The following MTCH2 variants were observed in gnomAD, a reference collection of about 807,000 sequenced individuals.
MTCH2 encodes mitochondrial carrier 2, also known as mitochondrial carrier homolog 2.
A neutral mutation model predicts 50.6 loss-of-function variants in MTCH2; 25 were observed. The observed-to-expected ratio is 0.49, with a 90% CI of 0.36 to 0.69. The LOEUF (loss-of-function observed/expected upper bound fraction) is 0.69. MTCH2 is among the 30% of genes least tolerant of loss of function. The probability of loss-of-function intolerance (pLI) is 0.00; values close to 1 mark genes in which losing one functional copy is unlikely to be tolerated. For synonymous variants in MTCH2, 106 were observed against 132.0 expected, an observed-to-expected ratio of 0.80 and a Z score of 1.35; for missense variants, 273 against 384.4, an observed-to-expected ratio of 0.71 and a Z score of 2.42.
intron 9 of MTCH2, among the ~76,000 whole-genome samples, chr11:47,628,705 G>A (rs769735643): frequency 4.6e-5 from 7 of 152,116 alleles, no homozygotes; most frequent in Non-Finnish European, 1.0e-4. Context: ...CTCCCAAGTA[G>A]CTGGGACTAT....
the MTCH2 span, among the ~76,000 whole-genome samples, chr11:47,610,668 T>C: frequency 6.6e-6 from 1 of 152,112 alleles, no homozygotes; most frequent in Non-Finnish European, 1.5e-5. Context: ...TCGAGCCACT[T>C]CACTCCAGCC....
chr11:47,639,773 G>T (rs578203646), intron 1 of MTCH2, among the ~76,000 whole-genome samples: 1 of 152,252 alleles, frequency 6.6e-6, no homozygotes, highest in Admixed American at 6.5e-5. Flanking sequence ...GGGAGGCAGA[G>T]GTTGCAGTGA....
intron 12 of MTCH2, among the ~76,000 whole-genome samples, chr11:47,619,699 G>A (rs1009352613): frequency 6.6e-6 from 1 of 152,094 alleles, no homozygotes; most frequent in Non-Finnish European, 1.5e-5. Flanking sequence ...CTAGCACTTT[G>A]AGAGACCAAG....
At chr11:47,608,585 G>A in the MTCH2 span, among the ~76,000 whole-genome samples, 7 of 152,264 alleles carry the variant, frequency 4.6e-5, no homozygotes, top group African/African-American at 1.2e-4. Flanking sequence ...CTGCCAGTGC[G>A]GCACAAATGT....
chr11:47,610,836 GCCACCCAAGATCC>G, the MTCH2 span, among the ~76,000 whole-genome samples: 1 of 152,096 alleles, frequency 6.6e-6, no homozygotes, highest in Non-Finnish European at 1.5e-5. Flanking sequence ...CCATCATCCT[GCCACCCAAGATCC>G]CCACTATCCT....
chr11:47,625,966 T>G (rs1380136474), intron 10 of MTCH2, among the ~76,000 whole-genome samples: 1 of 151,938 alleles, frequency 6.6e-6, no homozygotes, highest in African/African-American at 2.4e-5. Flanking sequence ...AAGAATTCTC[T>G]GATCCTGAGT....
the MTCH2 span, among the ~76,000 whole-genome samples, chr11:47,609,001 T>A: frequency 7.2e-6 from 1 of 138,922 alleles, no homozygotes; most frequent in Non-Finnish European, 1.5e-5. Flanking sequence ...GGTGCACACC[T>A]ATAATCCCTG....
chr11:47,616,678 T>A (rs2097288590), downstream of MTCH2, among the ~76,000 whole-genome samples: 1 of 151,488 alleles, frequency 6.6e-6, no homozygotes, highest in Admixed American at 6.6e-5. Context: ...GTTTCTTTTT[T>A]TTTCTTTTTT....
At chr11:47,611,728 C>G in the MTCH2 span, among the ~76,000 whole-genome samples, 1 of 152,232 alleles carries the variant, frequency 6.6e-6, no homozygotes, top group Admixed American at 6.5e-5. Context: ...TCCACTCTCT[C>G]AAGTACCAAC....
Position 47,631,581 on chromosome 11 carries a change from CACGTCA to C in MTCH2, c.427+67_427+72del. 3 of 1,477,886 alleles carry C rather than the reference CACGTCA, an allele frequency of 2.0e-6. No individual in the cohort carries two copies. In the South Asian group the frequency reaches 3.5e-5, roughly 17 times the overall value. 91.5% of individuals were successfully genotyped at this position (1,477,886 alleles called of 1,614,324 possible). On this transcript the variant is annotated intron_variant, in intron 6 of 12. Coordinates refer to ENST00000302503, the MANE Select transcript of MTCH2 (RefSeq NM_014342.4). ...CAGGCAAGGCATTTTAGTCAACTCC[CACGTCA>C]ACCTATCTAAGTGGTCAGGAGAGAT...
intron 3 of MTCH2, among the ~76,000 whole-genome samples, chr11:47,636,686 C>A (rs1321800780): frequency 6.6e-6 from 1 of 151,638 alleles, no homozygotes; most frequent in Non-Finnish European, 1.5e-5. Context: ...GAGCCGAGAC[C>A]ATGCCATTGC....
chr11:47,639,405 T>C (rs2097311860), intron 1 of MTCH2, among the ~76,000 whole-genome samples: 1 of 152,244 alleles, frequency 6.6e-6, no homozygotes, highest in South Asian at 2.1e-4. Flanking sequence ...CATTTTGTAT[T>C]TGAACAAAAC....
rs796779950 is a variant in MTCH2 at position 47,633,683 on chromosome 11, T to C, written c.369+989A>G. On this transcript the variant is annotated intron_variant, in intron 5 of 12. Transcript: ENST00000302503. ...CCCCAAGTAGCTGGGATTACAGACA[T>C]GCGCCACCATGCCTGGCTAATTTTT... Among the ~76,000 whole-genome samples the C allele has an allele frequency of 6.6e-4, 100 of 150,408 alleles. 1 individual carries two copies. The highest frequency in any genetic ancestry group is 2.4e-3 in the African/African-American group (98 of 40,944).
intron 8 of MTCH2, 127 bp downstream of exon 8, chr11:47,630,428 G>C: frequency 1.2e-6 from 1 of 818,892 alleles, no homozygotes; most frequent in Middle Eastern, 2.3e-4. Context: ...GGCCTAAATA[G>C]AATGTAACGT....
In MTCH2 at chr11:47,618,655, G is replaced by A. The variant is rs2097290212; in HGVS notation, c.*178C>T. On this transcript the variant is annotated 3_prime_UTR_variant, in exon 13 of 13. Coordinates refer to ENST00000302503, the MANE Select transcript of MTCH2 (RefSeq NM_014342.4). Reference sequence around the variant, plus strand: ...CAGAATAACTAAAGGGGGAGTATCAGTGGTAAGTTATGTTGTGCTGGAAAA... The same window carrying A: ...CAGAATAACTAAAGGGGGAGTATCAATGGTAAGTTATGTTGTGCTGGAAAA... 3.7e-6 allele frequency: 2 copies of A among 545,790 alleles called. No individual in the cohort carries two copies. Among genetic ancestry groups the A allele is most frequent in the African/African-American group, 2.3e-5 (1 of 43,226 alleles). 33.8% of individuals were successfully genotyped at this position (545,790 alleles called of 1,614,324 possible). A position where few individuals can be genotyped will look rare whatever the true frequency, so the allele number is the denominator to read the frequency against.
chr11:47,628,586 AT>A (rs11336868), intron 9 of MTCH2, among the ~76,000 whole-genome samples: 45,549 of 151,824 alleles, frequency 0.3, 7,419 homozygotes, highest in Middle Eastern at 0.38. Flanking sequence ...TTTATTATTT[AT>A]TTTTTGAAAT....
chr11:47,630,736 A>G, intron 7 of MTCH2, 122 bp from the exon 8 acceptor site: 2 of 899,898 alleles, frequency 2.2e-6, no homozygotes, highest in Non-Finnish European at 3.5e-6. Flanking sequence ...ACACTTTTCT[A>G]GCACTCTCTC....
chr11:47,616,853 T>C (rs2097288728), downstream of MTCH2, among the ~76,000 whole-genome samples: 1 of 151,914 alleles, frequency 6.6e-6, no homozygotes, highest in South Asian at 2.1e-4. Flanking sequence ...CCGGCTAATT[T>C]TGTTATTTTT....
chr11:47,605,091 T>C, the MTCH2 span, among the ~76,000 whole-genome samples: 1 of 152,084 alleles, frequency 6.6e-6, no homozygotes, highest in Non-Finnish European at 1.5e-5. Flanking sequence ...CCACCACGCC[T>C]GGCTAATTTT....
Sources: gnomAD v4.1 joint callset for allele counts (sites outside exome capture counted in the v4.1 genomes callset) on GRCh38, gnomAD v4.1.1 for gene constraint, MANE v1.5 for transcripts, NCBI Gene and HGNC (gene_info 2026-07-23, HGNC 2026-07-21) for gene names.